The following GAP43 variants were observed in gnomAD, a reference collection of about 807,000 sequenced individuals.
GAP43 encodes the protein growth associated protein 43.
Under a neutral mutation model 18.6 loss-of-function variants are expected in GAP43, and 6 were observed. The ratio of observed to expected loss-of-function variants is 0.32; its 90% CI spans 0.18 to 0.64. The LOEUF is 0.64. GAP43 is among the 30% of genes least tolerant of loss of function. GAP43 has a pLI of 0.78. For synonymous variants in GAP43, 115 were observed against 111.4 expected (o/e 1.03, Z -0.20); for missense variants, 292 against 295.5 (o/e 0.99, Z 0.09).
chr3:115,637,861 A>G, intron 1 of GAP43, among the ~76,000 whole-genome samples: 1 of 151,982 alleles, frequency 6.6e-6, no homozygotes, highest in East Asian at 1.9e-4. Flanking sequence ...CAGAACCCTT[A>G]TATCTTCTTT....
Position 115,644,967 on chromosome 3 carries a change from C to G in GAP43, c.30+21248C>G, listed in dbSNP as rs530676729. On this transcript the variant is annotated intron_variant, in intron 1 of 2. Coordinates refer to ENST00000305124, the MANE Select transcript of GAP43 (RefSeq NM_002045.4). This position sits in a 1 kb window ranked among gnomAD's most constrained non-coding sequence, Gnocchi z 4.2. ...CTAACAGTCTTGTTGAGGCAGGGAG[C>G]CTAAAGAAGCTATTCAATCTTTTAT... Among the ~76,000 whole-genome samples, 252 of 152,028 alleles carry G rather than the reference C, an allele frequency of 1.7e-3. No homozygotes were observed. The highest frequency in any genetic ancestry group is 5.8e-3 in the African/African-American group (240 of 41,502).
chr3:115,633,922 T>C (rs994328266), intron 1 of GAP43, among the ~76,000 whole-genome samples: 2 of 152,208 alleles, frequency 1.3e-5, no homozygotes, highest in Admixed American at 1.3e-4. Context: ...TCCTTGACAT[T>C]AGTCATCTCA....
At chr3:115,673,716 C>T (rs542953315) in intron 1 of GAP43, among the ~76,000 whole-genome samples, 24 of 152,294 alleles carry the variant, frequency 1.6e-4, no homozygotes, top group Non-Finnish European at 2.8e-4. Flanking sequence ...GGGCTGTGCT[C>T]ATCCCAGTAG....
intron 1 of GAP43, among the ~76,000 whole-genome samples, chr3:115,627,902 A>G (rs1708210725): frequency 1.3e-5 from 2 of 152,158 alleles, no homozygotes; most frequent in African/African-American, 4.8e-5. Flanking sequence ...GTGAGTCCTT[A>G]GTGGAGGCCA....
At chr3:115,652,845 G>A (rs1287589757) in intron 1 of GAP43, among the ~76,000 whole-genome samples, 1 of 152,196 alleles carries the variant, frequency 6.6e-6, no homozygotes, top group Non-Finnish European at 1.5e-5. Context: ...CCACCGTCTT[G>A]AGACAAAATA....
intron 1 of GAP43, among the ~76,000 whole-genome samples, chr3:115,629,309 TTTG>T (rs1708232568): frequency 6.6e-6 from 1 of 152,212 alleles, no homozygotes; most frequent in Admixed American, 6.5e-5. Context: ...CAAATCGGGT[TTTG>T]TTATTTTCTT....
At chr3:115,652,635 C>T (rs868683208) in intron 1 of GAP43, among the ~76,000 whole-genome samples, 3 of 152,068 alleles carry the variant, frequency 2.0e-5, no homozygotes, top group Middle Eastern at 3.2e-3. Flanking sequence ...ATCCTCCCAC[C>T]CCAGCCTCAC....
intron 2 of GAP43, among the ~76,000 whole-genome samples, chr3:115,709,846 T>C (rs201916374): frequency 9.4e-5 from 3 of 32,008 alleles, no homozygotes; most frequent in Non-Finnish European, 2.7e-4. Flanking sequence ...TGAACATACA[T>C]ATATATATAT....
chr3:115,676,039 G>T lies in GAP43; in HGVS notation c.57G>T (p.Lys19Asn). The change falls in exon 2 of 3, where the codon AAG (lysine) becomes AAT (asparagine). Residue 19 changes from lysine (K) to asparagine (N), a missense_variant. Lys to Asn is a moderately conservative substitution (Grantham distance 94, BLOSUM62 0). Transcript: ENST00000305124. ...KQVEKNDDDQ[K>N]IEQDGIKPED... ...TTGAAAAAAATGATGACGACCAAAA[G>T]ATTGAACAAGATGGTATCAAACCAG... The T allele has an allele frequency of 6.2e-7, 1 of 1,605,996 alleles. No individual in the cohort carries two copies. The highest frequency in any genetic ancestry group is 8.5e-7 in the Non-Finnish European group (1 of 1,177,198).
chr3:115,686,950 ATGAG>A (rs1709043004), intron 2 of GAP43, among the ~76,000 whole-genome samples: 1 of 152,166 alleles, frequency 6.6e-6, no homozygotes, highest in Non-Finnish European at 1.5e-5. Flanking sequence ...GTAGAATCAG[ATGAG>A]TAAGTAATTG....
chr3:115,663,217 A>G (rs1424789672), intron 1 of GAP43, among the ~76,000 whole-genome samples: 1 of 152,188 alleles, frequency 6.6e-6, no homozygotes, highest in African/African-American at 2.4e-5. Context: ...GGGTTTCCTT[A>G]TATACCTCAC....
At chr3:115,714,471 G>A (rs1439455020) in intron 2 of GAP43, among the ~76,000 whole-genome samples, 1 of 152,080 alleles carries the variant, frequency 6.6e-6, no homozygotes, top group African/African-American at 2.4e-5. Context: ...TAATTTTTGA[G>A]ACTAAATCGT....
At chr3:115,684,672 C>T (rs1041601317) in intron 2 of GAP43, among the ~76,000 whole-genome samples, 2 of 152,140 alleles carry the variant, frequency 1.3e-5, no homozygotes, top group African/African-American at 2.4e-5. Flanking sequence ...GGTCGTTTCT[C>T]GGCTGCTCAT....
intron 2 of GAP43, among the ~76,000 whole-genome samples, chr3:115,716,710 TCA>T (rs1559808993): frequency 6.5e-5 from 3 of 46,312 alleles, no homozygotes; most frequent in Non-Finnish European, 1.3e-4. Flanking sequence ...TACTTTAATC[TCA>T]GACAAATATA....
rs201598392 is a variant in GAP43 at position 115,720,857 on chromosome 3, C to T, written c.692C>T (p.Pro231Leu). 1 of 1,612,656 alleles carries T rather than the reference C, an allele frequency of 6.2e-7. No homozygotes were observed. The highest frequency in any genetic ancestry group is 8.5e-7 in the Non-Finnish European group (1 of 1,179,062). ...ARQDEGKEEEPEADQEHA is the reference protein window; with the variant it reads ...ARQDEGKEEELEADQEHA ...CAGGACGAGGGTAAAGAAGAGGAAC[C>T]TGAGGCTGACCAAGAACATGCCTGA... The change falls in exon 3 of 3, where the codon CCT (proline) becomes CTT (leucine). Residue 231 changes from proline (P) to leucine (L), a missense_variant. By Grantham distance (98) the Pro-to-Leu change is moderately conservative. Transcript: ENST00000305124.
At chr3:115,698,146 T>TAA (rs1559804297) in intron 2 of GAP43, among the ~76,000 whole-genome samples, 26 of 9,386 alleles carry the variant, frequency 2.8e-3, no homozygotes, top group East Asian at 0.017. Context: ...ATATAATATA[T>TAA]ATTATATATA....
intron 1 of GAP43, among the ~76,000 whole-genome samples, chr3:115,647,036 G>A (rs1708466145): frequency 6.6e-6 from 1 of 151,950 alleles, no homozygotes; most frequent in Non-Finnish European, 1.5e-5. Context: ...TTCCTCTGTT[G>A]AAATCCTCAT....
At chr3:115,709,169 G>A (rs769116259) in intron 2 of GAP43, among the ~76,000 whole-genome samples, 2 of 152,094 alleles carry the variant, frequency 1.3e-5, no homozygotes, top group Non-Finnish European at 2.9e-5. Context: ...TTTGATTAAT[G>A]GGAACCTCTT....
intron 1 of GAP43, among the ~76,000 whole-genome samples, chr3:115,675,733 T>A (rs1486293250): frequency 1.8e-5 from 2 of 113,500 alleles, no homozygotes; most frequent in African/African-American, 3.4e-5. Flanking sequence ...TACTCCAGCC[T>A]GGGTGACAGA....
Sources: gnomAD v4.1 joint callset for allele counts (sites outside exome capture counted in the v4.1 genomes callset) on GRCh38, gnomAD v4.1.1 for gene constraint, Gnocchi (gnomAD v3.1) non-coding constraint, MANE v1.5 for transcripts, NCBI Gene and HGNC (gene_info 2026-07-23, HGNC 2026-07-21) for gene names.